The following THADA variants were observed in gnomAD, a reference collection of about 807,000 sequenced individuals.
THADA encodes the protein THADA armadillo repeat containing, also known as tRNA (32-2'-O)-methyltransferase regulator THADA.
Under a neutral mutation model 219.8 loss-of-function variants are expected in THADA, and 213 were observed. The ratio of observed to expected loss-of-function variants is 0.97; its 90% CI spans 0.87 to 1.09. The LOEUF (loss-of-function observed/expected upper bound fraction) is 1.09, where lower values mean the gene tolerates loss of function less well. Among genes scored for constraint, THADA ranks in the 50% least tolerant of loss-of-function variants. THADA has a pLI of 0.00. For synonymous variants in THADA, 1,018 were observed against 828.9 expected, an observed-to-expected ratio of 1.23 and a Z score of -3.92; for missense variants, 2,956 against 2,311.3, an observed-to-expected ratio of 1.28 and a Z score of -5.72.
intron 26 of THADA, among the ~76,000 whole-genome samples, chr2:43,474,487 C>T (rs1685275585): frequency 6.6e-6 from 1 of 152,154 alleles, no homozygotes; most frequent in South Asian, 2.1e-4. Context: ...CCAAAGATTT[C>T]GACCATATTT....
At chr2:43,411,144 A>T (rs140815584) in intron 28 of THADA, among the ~76,000 whole-genome samples, 100 of 152,330 alleles carry the variant, frequency 6.6e-4, no homozygotes, top group African/African-American at 2.3e-3. Flanking sequence ...CAATGTTCTG[A>T]ATCTTTCACA....
intron 36 of THADA, among the ~76,000 whole-genome samples, chr2:43,239,552 G>A (rs896889975): frequency 3.9e-5 from 6 of 152,248 alleles, no homozygotes; most frequent in African/African-American, 1.4e-4. Context: ...ATGTCAAAGT[G>A]GATGTCTTCC....
intron 26 of THADA, among the ~76,000 whole-genome samples, chr2:43,446,893 T>A (rs1681638624): frequency 6.6e-6 from 1 of 152,196 alleles, no homozygotes; most frequent in African/African-American, 2.4e-5. Context: ...GTCAGCAAGG[T>A]ACCTCTAGAG....
chr2:43,417,116 T>C (rs1425488439), intron 28 of THADA, among the ~76,000 whole-genome samples: 1 of 147,414 alleles, frequency 6.8e-6, no homozygotes, highest in Non-Finnish European at 1.5e-5. Context: ...ATCAAGTTAC[T>C]ATATGTGAAA....
At chr2:43,537,919 G>A (rs142062195) in intron 21 of THADA, among the ~76,000 whole-genome samples, 2,552 of 145,620 alleles carry the variant, frequency 0.018, 44 homozygotes, top group Non-Finnish European at 0.022. Flanking sequence ...TAGCTTGGGC[G>A]CCAGAATGGG....
chr2:43,508,257 T>A (rs1689955746), intron 23 of THADA, among the ~76,000 whole-genome samples: 1 of 152,120 alleles, frequency 6.6e-6, no homozygotes, highest in Non-Finnish European at 1.5e-5. Flanking sequence ...TTAACACTGG[T>A]TGCCTACAGA....
chr2:43,428,515 G>C (rs779734458), intron 27 of THADA, among the ~76,000 whole-genome samples: 4 of 152,176 alleles, frequency 2.6e-5, no homozygotes, highest in Non-Finnish European at 2.9e-5. Flanking sequence ...TGAGGTGGGA[G>C]AATCACTTGA....
chr2:43,412,800 C>G (rs1223490681), intron 28 of THADA, among the ~76,000 whole-genome samples: 1 of 152,158 alleles, frequency 6.6e-6, no homozygotes, highest in African/African-American at 2.4e-5. Flanking sequence ...CTGAGAAGGT[C>G]AGGGCTTGTT....
chr2:43,365,489 C>T (rs944353676), intron 29 of THADA, among the ~76,000 whole-genome samples: 1 of 151,628 alleles, frequency 6.6e-6, no homozygotes, highest in Non-Finnish European at 1.5e-5. Flanking sequence ...GAGAATTACT[C>T]AAACCTGGGA....
At chr2:43,507,863 C>T (rs1689882493) in intron 23 of THADA, among the ~76,000 whole-genome samples, 1 of 152,074 alleles carries the variant, frequency 6.6e-6, no homozygotes, top group African/African-American at 2.4e-5. Context: ...AATATTTTCC[C>T]ATCAATAGCC....
At chr2:43,535,754 T>C (rs1242031801) in intron 21 of THADA, among the ~76,000 whole-genome samples, 4 of 151,488 alleles carry the variant, frequency 2.6e-5, no homozygotes, top group African/African-American at 9.7e-5. Flanking sequence ...ATTCAAGTAG[T>C]TTTATAGTAG....
Position 43,287,074 on chromosome 2 carries a change from A to G in THADA, c.5011-13T>C. On this transcript the variant is annotated splice_polypyrimidine_tract_variant and intron_variant, in intron 34 of 37. Coordinates refer to ENST00000405975, the MANE Select transcript of THADA (RefSeq NM_022065.5). ...TCAATTCCCTGTTCTAAAAGCACAA[A>G]ATGTACCTATCAGTAGTTCAGAAGA... 6.2e-7 allele frequency: 1 copy of G among 1,607,342 alleles called. No individual in the cohort carries two copies. Among genetic ancestry groups the G allele is most frequent in the Non-Finnish European group, 8.5e-7 (1 of 1,175,890 alleles).
intron 25 of THADA, chr2:43,486,642 A>G (rs1686952290): frequency 6.6e-6 from 1 of 152,230 alleles, no homozygotes; most frequent in Admixed American, 6.5e-5. Context: ...ATGCCCTTAG[A>G]GTCACAAGCT....
rs1697150815 is a variant in THADA at position 43,554,765 on chromosome 2, C to G, written c.2674+1580G>C. Among the ~76,000 whole-genome samples the G allele has an allele frequency of 2.0e-5, 3 of 152,112 alleles. No homozygotes were observed. In the South Asian group the frequency reaches 6.2e-4, roughly 32 times the overall value. On this transcript the variant is annotated intron_variant, in intron 17 of 37. Coordinates refer to ENST00000405975, the MANE Select transcript of THADA (RefSeq NM_022065.5). Reference sequence around the variant, plus strand: ...AGTTCAAGATGCACATACTTTGTGACCAGGTTATTCCATTTGTTTACCATA... The same window carrying G: ...AGTTCAAGATGCACATACTTTGTGAGCAGGTTATTCCATTTGTTTACCATA...
chr2:43,525,318 G>A (rs1019549847), intron 22 of THADA, among the ~76,000 whole-genome samples: 2 of 152,174 alleles, frequency 1.3e-5, no homozygotes, highest in Admixed American at 6.5e-5. Context: ...TCCTATCTGC[G>A]TATACTTCTA....
intron 28 of THADA, among the ~76,000 whole-genome samples, chr2:43,412,516 G>C (rs970629787): frequency 3.9e-5 from 6 of 152,140 alleles, no homozygotes; most frequent in African/African-American, 1.4e-4. Flanking sequence ...CAGAGCCTGG[G>C]TAAACTGGTG....
intron 8 of THADA, among the ~76,000 whole-genome samples, chr2:43,579,325 T>G (rs1293105929): frequency 1.3e-5 from 2 of 152,152 alleles, no homozygotes; most frequent in African/African-American, 4.8e-5. Flanking sequence ...AAAAAGAGAT[T>G]TCAGGGCTTG....
intron 29 of THADA, among the ~76,000 whole-genome samples, chr2:43,390,030 T>C (rs773830789): frequency 1.3e-5 from 2 of 152,198 alleles, no homozygotes; most frequent in Non-Finnish European, 2.9e-5. Flanking sequence ...TCAATAAATA[T>C]TTGCTAAGCA....
chr2:43,431,595 A>T (rs1282647809), intron 26 of THADA, among the ~76,000 whole-genome samples: 2 of 138,366 alleles, frequency 1.4e-5, no homozygotes, highest in Non-Finnish European at 3.0e-5. Flanking sequence ...CCTCCCAAGT[A>T]GCTGGGACTA....
Sources: gnomAD v4.1 joint callset for allele counts (sites outside exome capture counted in the v4.1 genomes callset) on GRCh38, gnomAD v4.1.1 for gene constraint, MANE v1.5 for transcripts, NCBI Gene and HGNC (gene_info 2026-07-23, HGNC 2026-07-21) for gene names.